The following BORCS5 variants were observed in gnomAD, a reference collection of about 807,000 sequenced individuals.
BORCS5 encodes BLOC-1-related complex subunit 5.
BORCS5 carries 17 observed loss-of-function variants against 22.1 expected under a neutral mutation model. That is an observed-to-expected ratio of 0.77 (90% CI 0.53 to 1.15). The LOEUF is 1.15. Among genes scored for constraint, BORCS5 ranks in the 50% most tolerant of loss-of-function variants. The pLI is 0.00. For synonymous variants in BORCS5, 117 were observed against 99.8 expected, an observed-to-expected ratio of 1.17 and a Z score of -1.03; for missense variants, 247 against 253.2, an observed-to-expected ratio of 0.98 and a Z score of 0.17.
At chr12:12,365,208 A>G (rs1381461312) in intron 2 of BORCS5, among the ~76,000 whole-genome samples, 1 of 151,832 alleles carries the variant, frequency 6.6e-6, no homozygotes, top group Non-Finnish European at 1.5e-5. Flanking sequence ...GTTATCGGGG[A>G]TTTGGTTAAG....
At chr12:12,362,634 A>ATTTT (rs1203934777) in intron 2 of BORCS5, among the ~76,000 whole-genome samples, 2 of 54,174 alleles carry the variant, frequency 3.7e-5, no homozygotes, top group Non-Finnish European at 1.0e-4. Context: ...CATGTTACTC[A>ATTTT]TCTTTTTTTT....
At chr12:12,382,147 G>T (rs1863787393) in intron 2 of BORCS5, among the ~76,000 whole-genome samples, 1 of 151,380 alleles carries the variant, frequency 6.6e-6, no homozygotes, top group Non-Finnish European at 1.5e-5. Context: ...AAGAAGAGAG[G>T]TTTATTTGGC....
chr12:12,419,696 T>C (rs1408930978), intron 2 of BORCS5, among the ~76,000 whole-genome samples: 1 of 152,210 alleles, frequency 6.6e-6, no homozygotes, highest in African/African-American at 2.4e-5. Context: ...CCGCATCCTC[T>C]CCAGCACATG....
At chr12:12,365,599 A>G (rs1446021281) in intron 2 of BORCS5, among the ~76,000 whole-genome samples, 1 of 151,766 alleles carries the variant, frequency 6.6e-6, no homozygotes, top group African/African-American at 2.4e-5. Context: ...GCCAGACTAT[A>G]GCAAACAAAA....
chr12:12,357,323 T>C lies in BORCS5; in HGVS notation c.-129T>C. ...GGCTGGACGCGTCAGCCCCACACAT[T>C]AGCCTCGCTGCGGCGCCCAGACTCT... On this transcript the variant is annotated 5_prime_UTR_variant, in exon 1 of 4. Transcript: ENST00000314565. 2 of 1,474,222 alleles carry C rather than the reference T, an allele frequency of 1.4e-6. No individual in the cohort carries two copies. The highest frequency in any genetic ancestry group is 1.8e-6 in the Non-Finnish European group (2 of 1,107,488). The allele number at this position is 1,474,222 out of a possible 1,614,324, so 91.3% of individuals were successfully genotyped here.
rs767816521 is a variant in BORCS5, at chr12:12,357,118, A to G, written c.-334A>G. 2 of 1,534,482 alleles carry G rather than the reference A, an allele frequency of 1.3e-6. No homozygotes were observed. Among genetic ancestry groups the G allele is most frequent in the Non-Finnish European group, 1.7e-6 (2 of 1,146,158 alleles). On this transcript the variant is annotated 5_prime_UTR_variant, in exon 1 of 4. Transcript: ENST00000314565. Reference sequence around the variant, plus strand: ...GGAGCGAGCTTGCGGAGCGTGAACCAGTGAGTGAAAGCGGCGCCGCCCGCC... The same window carrying G: ...GGAGCGAGCTTGCGGAGCGTGAACCGGTGAGTGAAAGCGGCGCCGCCCGCC...
chr12:12,376,614 T>C lies in BORCS5; in HGVS notation c.202+15265T>C, dbSNP rs577747518. 2.5e-4 allele frequency among the ~76,000 whole-genome samples: 38 copies of C among 152,320 alleles called. 1 individual carries two copies. Among genetic ancestry groups the C allele is most frequent in the African/African-American group, 7.7e-4 (32 of 41,570 alleles). On this transcript the variant is annotated intron_variant, in intron 2 of 3. Transcript: ENST00000314565. ...TTTTATTTCAGTAAATCTTATGTTA[T>C]GTCAAAATTAATTTTTCTCAGCCAT...
intron 3 of BORCS5, among the ~76,000 whole-genome samples, chr12:12,457,206 G>A (rs1943013181): frequency 6.6e-6 from 1 of 152,208 alleles, no homozygotes; most frequent in African/African-American, 2.4e-5. Context: ...CGTAGGCATT[G>A]TCAATTTCAC....
chr12:12,433,312 G>C (rs939937469), intron 2 of BORCS5, among the ~76,000 whole-genome samples: 2 of 114,672 alleles, frequency 1.7e-5, no homozygotes, highest in African/African-American at 6.9e-5. Flanking sequence ...GACAGAGCGA[G>C]ACTGTGTCTC....
At chr12:12,463,900 T>C (rs1220873925) in intron 3 of BORCS5, among the ~76,000 whole-genome samples, 1 of 152,172 alleles carries the variant, frequency 6.6e-6, no homozygotes, top group Non-Finnish European at 1.5e-5. Flanking sequence ...AGCATCTATC[T>C]AGTCTGGTAG....
intron 2 of BORCS5, among the ~76,000 whole-genome samples, chr12:12,426,141 C>T (rs1254093975): frequency 2.0e-5 from 3 of 152,192 alleles, no homozygotes; most frequent in Non-Finnish European, 2.9e-5. Flanking sequence ...CAAACTTTTT[C>T]ATTATACCAT....
chr12:12,410,310 G>A (rs1289923919), intron 2 of BORCS5, among the ~76,000 whole-genome samples: 1 of 152,198 alleles, frequency 6.6e-6, no homozygotes, highest in African/African-American at 2.4e-5. Flanking sequence ...CCATGCCTAT[G>A]TCCTGAATGG....
At chr12:12,403,546 A>AC (rs1941525169) in intron 2 of BORCS5, among the ~76,000 whole-genome samples, 1 of 152,138 alleles carries the variant, frequency 6.6e-6, no homozygotes, top group Admixed American at 6.5e-5. Flanking sequence ...TTAATTACAT[A>AC]CTTTTTTTTC....
intron 2 of BORCS5, among the ~76,000 whole-genome samples, chr12:12,385,383 C>T (rs758923802): frequency 3.3e-5 from 5 of 151,510 alleles, no homozygotes; most frequent in Non-Finnish European, 7.4e-5. Flanking sequence ...CCGCTTCCTG[C>T]TAAAGCAGGA....
At chr12:12,429,752 T>A (rs999991312) in intron 2 of BORCS5, among the ~76,000 whole-genome samples, 1 of 152,160 alleles carries the variant, frequency 6.6e-6, no homozygotes, top group Admixed American at 6.5e-5. Flanking sequence ...TGAGCTAAGG[T>A]TGGGTTCTGG....
At chr12:12,408,111 T>C (rs2417187) in intron 2 of BORCS5, among the ~76,000 whole-genome samples, 94,509 of 152,116 alleles carry the variant, frequency 0.62, 30,536 homozygotes, top group African/African-American at 0.79. Flanking sequence ...AGGTTCCATC[T>C]GTATTCTAGC....
At chr12:12,463,677 C>T (rs1425325303) in intron 3 of BORCS5, among the ~76,000 whole-genome samples, 1 of 152,194 alleles carries the variant, frequency 6.6e-6, no homozygotes, top group African/African-American at 2.4e-5. Flanking sequence ...TCAGCATTAA[C>T]AGAAAGTGCC....
At chr12:12,414,691 C>CA (rs1941874075) in intron 2 of BORCS5, among the ~76,000 whole-genome samples, 1 of 31,994 alleles carries the variant, frequency 3.1e-5, no homozygotes, top group Non-Finnish European at 7.6e-5. Context: ...GGGGGGCTGA[C>CA]CCCCCCCACC....
rs1308500502 is a variant in BORCS5 at position 12,454,743 on chromosome 12, TATAAAC to T, written c.361-10799_361-10794del. 3.3e-5 allele frequency among the ~76,000 whole-genome samples: 5 copies of T among 152,372 alleles called. No individual in the cohort carries two copies. In the South Asian group the frequency reaches 1.0e-3, roughly 32 times the overall value. On this transcript the variant is annotated intron_variant, in intron 3 of 3. Coordinates refer to ENST00000314565, the MANE Select transcript of BORCS5 (RefSeq NM_058169.6). ...ACTTTGCCATTCATTGTTAGAATAA[TATAAAC>T]ATACATGTTTATAGCAGTGTTCTGT...
Sources: gnomAD v4.1 joint callset for allele counts (sites outside exome capture counted in the v4.1 genomes callset) on GRCh38, gnomAD v4.1.1 for gene constraint, MANE v1.5 for transcripts, NCBI Gene and HGNC (gene_info 2026-07-23, HGNC 2026-07-21) for gene names.